FMNL2: variants seen among roughly 807,000 people sequenced by gnomAD.
FMNL2 encodes the protein formin-like protein 2.
FMNL2 carries 51 observed loss-of-function variants against 130.2 expected under a neutral mutation model. The observed-to-expected ratio is 0.39, with a 90% CI of 0.31 to 0.49. The LOEUF is 0.49. Among genes scored for constraint, FMNL2 ranks in the 20% least tolerant of loss-of-function variants. The pLI is 0.85. For missense variants in FMNL2, 977 were observed against 1,316.2 expected (o/e 0.74, Z 3.99); for synonymous variants, 465 against 467.1 (o/e 1.00, Z 0.06).
chr2:152,576,007 C>A (rs537648441), intron 7 of FMNL2, among the ~76,000 whole-genome samples: 1 of 152,048 alleles, frequency 6.6e-6, no homozygotes, highest in African/African-American at 2.4e-5. Flanking sequence ...TAGTACCTAG[C>A]GTGAACTGGT....
intron 6 of FMNL2, among the ~76,000 whole-genome samples, chr2:152,572,918 A>G (rs1488356041): frequency 3.9e-5 from 6 of 152,184 alleles, no homozygotes; most frequent in Non-Finnish European, 8.8e-5. Context: ...ATTAATGTAC[A>G]TGCTAACCCA....
At chr2:152,582,108 C>T (rs1292778046) in intron 9 of FMNL2, among the ~76,000 whole-genome samples, 2 of 152,116 alleles carry the variant, frequency 1.3e-5, no homozygotes, top group Admixed American at 1.3e-4. Flanking sequence ...CATAGTTTAC[C>T]TGTGGTCACA....
intron 1 of FMNL2, among the ~76,000 whole-genome samples, chr2:152,349,395 G>A (rs1682341459): frequency 6.6e-6 from 1 of 152,216 alleles, no homozygotes; most frequent in Non-Finnish European, 1.5e-5. Flanking sequence ...TGGGCTGAGG[G>A]TGTTAACGTG....
intron 1 of FMNL2, among the ~76,000 whole-genome samples, chr2:152,354,042 G>A (rs1283806294): frequency 5.5e-5 from 8 of 144,642 alleles, no homozygotes; most frequent in African/African-American, 2.0e-4. Flanking sequence ...TTGGATTTAT[G>A]TTGACTCTTG....
intron 5 of FMNL2, among the ~76,000 whole-genome samples, chr2:152,560,268 G>A (rs1177394752): frequency 6.6e-6 from 1 of 151,518 alleles, no homozygotes; most frequent in Non-Finnish European, 1.5e-5. Context: ...AACTATACAA[G>A]AGTGAGCAAG....
At chr2:152,561,397 A>T (rs970913645) in intron 6 of FMNL2, among the ~76,000 whole-genome samples, 1 of 152,010 alleles carries the variant, frequency 6.6e-6, no homozygotes, top group Non-Finnish European at 1.5e-5. Flanking sequence ...GAGATCTGGG[A>T]TCTCTGCCCT....
intron 24 of FMNL2, 65 bp downstream of exon 24, chr2:152,640,121 G>A: frequency 7.2e-7 from 1 of 1,392,910 alleles, no homozygotes. Flanking sequence ...TTCAGAGCAA[G>A]CCATACAAAG....
chr2:152,468,681 T>G (rs968639003), intron 1 of FMNL2, among the ~76,000 whole-genome samples: 18 of 152,228 alleles, frequency 1.2e-4, no homozygotes, highest in African/African-American at 4.3e-4. Flanking sequence ...CAGTTTCTTC[T>G]TTTTACTTTT....
intron 1 of FMNL2, among the ~76,000 whole-genome samples, chr2:152,450,079 C>T (rs555559513): frequency 4.1e-4 from 63 of 152,024 alleles, no homozygotes; most frequent in African/African-American, 1.5e-3. Flanking sequence ...GAAATAGGCC[C>T]GCAAGGAGTT....
chr2:152,367,073 G>GTGTTTTTTTTTTTTTTTTTTTTTTTT lies in FMNL2; in HGVS notation c.117+31354_117+31355insGTTTTTTTTTTTTTTTTTTTTTTTTT, dbSNP rs1553869242. On this transcript the variant is annotated intron_variant, in intron 1 of 25. Transcript: ENST00000288670. ...CTACCCTGTTATTGTGTGTGTGTGT[G>GTGTTTTTTTTTTTTTTTTTTTTTTTT]TTTGTTTTTTTTTTTTTTCCCAGAT... 2.3e-5 allele frequency among the ~76,000 whole-genome samples: 2 copies of GTGTTTTTTTTTTTTTTTTTTTTTTTT among 88,184 alleles called. 1 individual carries two copies. The allele number at this position is 88,184 out of a possible 152,430, so 57.9% of individuals were successfully genotyped here.
chr2:152,639,788 T>G (rs1464019807), intron 23 of FMNL2, among the ~76,000 whole-genome samples, 170 bp from the exon 24 acceptor site: 1 of 152,102 alleles, frequency 6.6e-6, no homozygotes, highest in African/African-American at 2.4e-5. Flanking sequence ...ATGTGACAGG[T>G]AGCGAAGCCC....
chr2:152,542,881 G>A, intron 3 of FMNL2, 62 bp downstream of exon 3: 1 of 1,561,784 alleles, frequency 6.4e-7, no homozygotes, highest in Non-Finnish European at 8.8e-7. Flanking sequence ...GAATCCTCCT[G>A]CATTGGAAGA....
chr2:152,509,034 C>G (rs1349410542), intron 1 of FMNL2, among the ~76,000 whole-genome samples: 1 of 152,220 alleles, frequency 6.6e-6, no homozygotes, highest in African/African-American at 2.4e-5. Context: ...TTGGTGCATG[C>G]AGTGCACATG....
intron 1 of FMNL2, among the ~76,000 whole-genome samples, chr2:152,461,622 C>T (rs1171877474): frequency 6.6e-6 from 1 of 152,174 alleles, no homozygotes; most frequent in East Asian, 1.9e-4. Context: ...TCACCCTAAA[C>T]ATATTTCAAA....
At chr2:152,512,436 G>A (rs1692539313) in intron 1 of FMNL2, among the ~76,000 whole-genome samples, 2 of 152,174 alleles carry the variant, frequency 1.3e-5, no homozygotes, top group Non-Finnish European at 2.9e-5. Flanking sequence ...GGGAGTAGTA[G>A]GAAGATGGGC....
chr2:152,448,904 A>G (rs148166082), intron 1 of FMNL2, among the ~76,000 whole-genome samples: 1 of 152,328 alleles, frequency 6.6e-6, no homozygotes, highest in Non-Finnish European at 1.5e-5. Context: ...AGAGTCTCTG[A>G]AATACAGAAC....
chr2:152,537,376 A>G (rs1483749040), intron 2 of FMNL2, among the ~76,000 whole-genome samples: 1 of 152,180 alleles, frequency 6.6e-6, no homozygotes, highest in Non-Finnish European at 1.5e-5. Context: ...GTTCCAGGCA[A>G]CCAGTAGGGA....
chr2:152,568,103 C>T (rs921095484), intron 6 of FMNL2, among the ~76,000 whole-genome samples: 1 of 152,054 alleles, frequency 6.6e-6, no homozygotes, highest in African/African-American at 2.4e-5. Flanking sequence ...ACACAACTCA[C>T]ATACTAGAAT....
At chr2:152,641,020 A>ATT in intron 25 of FMNL2, 106 bp downstream of exon 25, 1 of 1,449,112 alleles carries the variant, frequency 6.9e-7, no homozygotes, top group Non-Finnish European at 9.5e-7. Context: ...TGTCAAGTTC[A>ATT]TTAGTTGACT....
Sources: gnomAD v4.1 joint callset for allele counts (sites outside exome capture counted in the v4.1 genomes callset) on GRCh38, gnomAD v4.1.1 for gene constraint, MANE v1.5 for transcripts, NCBI Gene and HGNC (gene_info 2026-07-23, HGNC 2026-07-21) for gene names.